Variants in UBE2E3 observed in about 807,000 individuals in gnomAD.
The protein encoded by UBE2E3 is ubiquitin conjugating enzyme E2 E3, also known as ubiquitin-conjugating enzyme E2 E3.
In UBE2E3, 5 loss-of-function variants were observed where a neutral mutation model predicts 23.6. That is an observed-to-expected ratio of 0.21 (90% CI 0.11 to 0.44). The LOEUF is 0.44. Ranked by LOEUF, UBE2E3 falls within the 20% of genes least tolerant of loss-of-function variation. UBE2E3 has a pLI of 0.99. For synonymous variants in UBE2E3, 78 were observed against 87.5 expected (o/e 0.89, Z 0.60); for missense variants, 81 against 249.8 (o/e 0.32, Z 4.55).
intron 4 of UBE2E3, 125 bp downstream of exon 4, chr2:181,057,950 A>C: frequency 1.0e-6 from 1 of 995,014 alleles, no homozygotes; most frequent in Non-Finnish European, 1.4e-6. Context: ...TTGATATGGA[A>C]ATTTTCGCAT....
At position 181,019,092 on chromosome 2, in the gene UBE2E3, T is replaced by G. The variant is rs553483836; in HGVS notation, c.245+34999T>G. Among the ~76,000 whole-genome samples, 29 of 152,298 alleles carry G rather than the reference T, an allele frequency of 1.9e-4. No homozygotes were observed. In the East Asian group the frequency reaches 5.4e-3, roughly 28 times the overall value. On this transcript the variant is annotated intron_variant, in intron 3 of 5. Transcript: ENST00000410062. ...GATTCTCGTGCCTCAGTCTTCCAAGTAGCTGGGACTACAGGCATGTGCCAC... is the reference window on the plus strand; with the variant it reads ...GATTCTCGTGCCTCAGTCTTCCAAGGAGCTGGGACTACAGGCATGTGCCAC...
intron 3 of UBE2E3, among the ~76,000 whole-genome samples, chr2:181,017,111 A>G (rs1685515535): frequency 6.6e-6 from 1 of 152,226 alleles, no homozygotes; most frequent in African/African-American, 2.4e-5. Context: ...CAGGAATGCA[A>G]CCTGTGTTAT....
chr2:181,036,319 G>C (rs997969312), intron 3 of UBE2E3, among the ~76,000 whole-genome samples: 3 of 152,038 alleles, frequency 2.0e-5, no homozygotes, highest in Non-Finnish European at 4.4e-5. Flanking sequence ...GTAGGGAAAG[G>C]ATTTCGACAT....
At chr2:181,004,903 A>G (rs947059302) in intron 3 of UBE2E3, among the ~76,000 whole-genome samples, 1 of 152,230 alleles carries the variant, frequency 6.6e-6, no homozygotes, top group Non-Finnish European at 1.5e-5. Context: ...CAGACAGACA[A>G]TGTCTTACGA....
At chr2:180,993,447 G>A (rs530979337) in intron 3 of UBE2E3, among the ~76,000 whole-genome samples, 36 of 152,104 alleles carry the variant, frequency 2.4e-4, no homozygotes, top group African/African-American at 8.4e-4. Flanking sequence ...GCTTGTCTGG[G>A]GAAAAATAAA....
At chr2:181,021,455 CTCTCTTTCTTTT>C (rs1166500537) in intron 3 of UBE2E3, among the ~76,000 whole-genome samples, 1 of 125,424 alleles carries the variant, frequency 8.0e-6, no homozygotes, top group African/African-American at 3.0e-5. Flanking sequence ...CTCCCTCCCT[CTCTCTTTCTTTT>C]TCTCTTTCTT....
At chr2:181,008,600 T>G (rs1424783890) in intron 3 of UBE2E3, among the ~76,000 whole-genome samples, 2 of 152,212 alleles carry the variant, frequency 1.3e-5, no homozygotes, top group Non-Finnish European at 2.9e-5. Context: ...CAGGGCAGCA[T>G]TAGGGGCAGC....
intron 2 of UBE2E3, among the ~76,000 whole-genome samples, chr2:180,982,749 A>G (rs937157297): frequency 6.6e-6 from 1 of 152,254 alleles, no homozygotes; most frequent in Admixed American, 6.5e-5. Flanking sequence ...TTTACAAAAC[A>G]TGACTTTCAA....
At chr2:181,056,952 C>A (rs7370006) in intron 3 of UBE2E3, among the ~76,000 whole-genome samples, 35,212 of 151,560 alleles carry the variant, frequency 0.23, 4,455 homozygotes, top group Non-Finnish European at 0.28. Flanking sequence ...AGCCAGACAC[C>A]TACTATTTCA....
Position 181,022,415 on chromosome 2 carries a change from G to T in UBE2E3, c.246-35278G>T, listed in dbSNP as rs564395304. Among the ~76,000 whole-genome samples the T allele has an allele frequency of 5.9e-5, 9 of 151,780 alleles. No individual in the cohort carries two copies. In the South Asian group the frequency reaches 1.7e-3, roughly 28 times the overall value. On this transcript the variant is annotated intron_variant, in intron 3 of 5. Coordinates refer to ENST00000410062, the MANE Select transcript of UBE2E3 (RefSeq NM_006357.4). The stretch of plus-strand genomic sequence containing the variant: ...ACCATTACTCCTAGGGGAAATAAAA[G>T]ATTATCTTTTTTTGATCTTCTAGTT...
At chr2:181,019,448 G>A (rs1685605452) in intron 3 of UBE2E3, among the ~76,000 whole-genome samples, 1 of 152,184 alleles carries the variant, frequency 6.6e-6, no homozygotes, top group African/African-American at 2.4e-5. Flanking sequence ...TCAGTGTTCA[G>A]TGTCATTTTT....
intron 3 of UBE2E3, among the ~76,000 whole-genome samples, chr2:181,021,574 C>T (rs56207655): frequency 0.11 from 3,873 of 33,900 alleles, 32 homozygotes; most frequent in East Asian, 0.22. Flanking sequence ...CTTCCTTCCT[C>T]CCTCCCTCCC....
intron 3 of UBE2E3, among the ~76,000 whole-genome samples, chr2:181,020,447 G>T (rs1307767098): frequency 6.6e-6 from 1 of 152,138 alleles, no homozygotes; most frequent in Non-Finnish European, 1.5e-5. Context: ...CTCACATTTT[G>T]AGATACTGGG....
At chr2:181,057,217 A>C (rs547438218) in intron 3 of UBE2E3, among the ~76,000 whole-genome samples, 1 of 151,856 alleles carries the variant, frequency 6.6e-6, no homozygotes, top group African/African-American at 2.4e-5. Flanking sequence ...TTATAATACA[A>C]ATTGTACTTT....
intron 3 of UBE2E3, among the ~76,000 whole-genome samples, chr2:181,019,426 A>G (rs1685604920): frequency 6.6e-6 from 1 of 152,230 alleles, no homozygotes; most frequent in African/African-American, 2.4e-5. Flanking sequence ...TAAACTTTTA[A>G]ACTTTCAAAA....
chr2:181,017,433 T>C (rs113028571), intron 3 of UBE2E3, among the ~76,000 whole-genome samples: 42 of 152,236 alleles, frequency 2.8e-4, no homozygotes, highest in African/African-American at 9.4e-4. Context: ...AAACCAAGCA[T>C]GATCCCTCCT....
intron 3 of UBE2E3, among the ~76,000 whole-genome samples, chr2:180,986,894 C>T (rs1156267296): frequency 6.6e-6 from 1 of 152,012 alleles, no homozygotes; most frequent in Non-Finnish European, 1.5e-5. Context: ...TCTCTAAAAT[C>T]CCTTCCTGTG....
intron 3 of UBE2E3, among the ~76,000 whole-genome samples, chr2:181,011,870 GTTAC>G (rs1685341144): frequency 6.6e-6 from 1 of 152,090 alleles, no homozygotes; most frequent in African/African-American, 2.4e-5. Context: ...ATTTTTTCCA[GTTAC>G]TTAATTTCAC....
At chr2:181,002,386 A>G (rs1163991688) in intron 3 of UBE2E3, among the ~76,000 whole-genome samples, 2 of 152,202 alleles carry the variant, frequency 1.3e-5, no homozygotes, top group East Asian at 1.9e-4. Context: ...GATAAAGTAC[A>G]TAGAGAATGT....
Sources: allele counts gnomAD v4.1 joint callset (sites outside exome capture counted in the v4.1 genomes callset), GRCh38; gene constraint gnomAD v4.1.1; transcripts MANE v1.5; gene names NCBI Gene and HGNC (gene_info 2026-07-23, HGNC 2026-07-21).